The following GRPEL1 variants were observed in gnomAD, a reference collection of about 807,000 sequenced individuals.
GRPEL1 encodes the protein GrpE like 1, mitochondrial, also known as grpE protein homolog 1, mitochondrial.
GRPEL1 carries 13 observed loss-of-function variants against 22.1 expected under a neutral mutation model. That is an observed-to-expected ratio of 0.59 (90% CI 0.38 to 0.94). The LOEUF is 0.94. GRPEL1 is among the 40% of genes least tolerant of loss of function. The pLI, the probability that GRPEL1 is intolerant of heterozygous loss-of-function variation, is 0.00. For synonymous variants in GRPEL1, 109 were observed against 105.3 expected, an observed-to-expected ratio of 1.03 and a Z score of -0.21; for missense variants, 289 against 264.6, an observed-to-expected ratio of 1.09 and a Z score of -0.64.
Position 7,067,830 on chromosome 4 carries a change from C to T in GRPEL1, c.62+141G>A. ...CAGGCCCCAGCGGGGCGGTCCGCGTCCCGCGGCGGGGAACCGCGAGCCCGG... is the reference window on the plus strand; with the variant it reads ...CAGGCCCCAGCGGGGCGGTCCGCGTTCCGCGGCGGGGAACCGCGAGCCCGG... On this transcript the variant is annotated intron_variant, in intron 1 of 3. Transcript: ENST00000264954. 7.1e-6 allele frequency: 6 copies of T among 849,478 alleles called. 1 individual carries two copies. Among genetic ancestry groups the T allele is most frequent in the South Asian group, 4.9e-5 (3 of 61,450 alleles). 52.6% of individuals were successfully genotyped at this position (849,478 alleles called of 1,614,324 possible).
chr4:7,067,442 T>C lies in GRPEL1; in HGVS notation c.62+529A>G, dbSNP rs551646442. 25 of 157,188 alleles carry C rather than the reference T, an allele frequency of 1.6e-4. No homozygotes were observed. In the South Asian group the frequency reaches 4.2e-3, roughly 26 times the overall value. 9.7% of individuals were successfully genotyped at this position (157,188 alleles called of 1,614,324 possible). ...GCCCGTGAACGGGCAACACGCACCT[T>C]GCGACACGAAGTTTCCCGAGCACCG... On this transcript the variant is annotated intron_variant, in intron 1 of 3. Transcript: ENST00000264954.
chr4:7,062,324 T>A, intron 3 of GRPEL1, 61 bp downstream of exon 3: 1 of 735,304 alleles, frequency 1.4e-6, no homozygotes, highest in Non-Finnish European at 2.3e-6. Context: ...ATGCATGGCC[T>A]TCCCCTTCCC....
In GRPEL1 at chr4:7,067,954, G is replaced by A. The variant is rs200172327; in HGVS notation, c.62+17C>T. On this transcript the variant is annotated intron_variant, in intron 1 of 3. Coordinates refer to ENST00000264954, the MANE Select transcript of GRPEL1 (RefSeq NM_025196.4). The stretch of plus-strand genomic sequence containing the variant: ...TCGCGCTGCCACCTCCACCCAGGGA[G>A]ACCAAGTGCCCCTTACCTGAGAGAC... 2 of 1,612,864 alleles carry A rather than the reference G, an allele frequency of 1.2e-6. No homozygotes were observed. The highest frequency in any genetic ancestry group is 2.2e-5 in the East Asian group (1 of 44,846).
chr4:7,067,130 T>A (rs1382717515), intron 1 of GRPEL1, among the ~76,000 whole-genome samples: 3 of 152,246 alleles, frequency 2.0e-5, no homozygotes, highest in Non-Finnish European at 4.4e-5. Flanking sequence ...ACTGCCCAGC[T>A]TTTGGCCAAT....
At chr4:7,067,901 C>A in intron 1 of GRPEL1, 70 bp downstream of exon 1, 6 of 1,517,918 alleles carry the variant, frequency 4.0e-6, no homozygotes, top group Middle Eastern at 2.3e-4. Flanking sequence ...GCCCCGGGGC[C>A]GGGAAAGGCC....
Position 7,060,217 on chromosome 4 carries a change from G to C in GRPEL1, c.*645C>G, listed in dbSNP as rs763672031. On this transcript the variant is annotated 3_prime_UTR_variant, in exon 4 of 4. Transcript: ENST00000264954. Reference sequence around the variant, plus strand: ...AACTAGTTGAATATGATTTAAATATGTCTGCATTTAGATGAACAGAACAGG... The same window carrying C: ...AACTAGTTGAATATGATTTAAATATCTCTGCATTTAGATGAACAGAACAGG... The C allele has an allele frequency of 4.6e-5, 7 of 152,262 alleles. No homozygotes were observed. Among genetic ancestry groups the C allele is most frequent in the African/African-American group, 1.7e-4 (7 of 41,442 alleles). The allele number at this position is 152,262 out of a possible 1,614,324, so 9.4% of individuals were successfully genotyped here. A position where few individuals can be genotyped will look rare whatever the true frequency, so the allele number is the denominator to read the frequency against.
intron 1 of GRPEL1, 38 bp downstream of exon 1, chr4:7,067,933 G>A (rs2108794356): frequency 1.3e-6 from 2 of 1,597,708 alleles, no homozygotes; most frequent in East Asian, 4.5e-5. Context: ...GGGAGGTCGC[G>A]CTGCCACCTC....
In GRPEL1 at chr4:7,064,208, C is replaced by A. The variant is rs1220307820; in HGVS notation, c.78G>T (p.Leu26Phe). The change falls in exon 2 of 4, where the codon TTG becomes TTT. Residue 26 changes from leucine (L) to phenylalanine (F), a missense_variant. Physicochemically the swap from Leu to Phe is conservative, Grantham distance 22. Coordinates refer to ENST00000264954, the MANE Select transcript of GRPEL1 (RefSeq NM_025196.4). ...TCTTTTGTTTCGTGGCTGTGCACAA[C>A]AACCGGGGAGATGGCCTACAGGGAA... Reference protein sequence around the residue: ...LALSLRPSPRLLCTATKQKNS... With the variant: ...LALSLRPSPRFLCTATKQKNS... The A allele has an allele frequency of 7.4e-6, 12 of 1,613,000 alleles. No individual in the cohort carries two copies. The East Asian group carries it at 2.5e-4, about 33-fold the overall frequency.
At chr4:7,061,396 C>T (rs1202613452) in intron 3 of GRPEL1, 188 bp from the exon 4 acceptor site, 16 of 561,106 alleles carry the variant, frequency 2.9e-5, no homozygotes, top group Middle Eastern at 9.2e-4. Flanking sequence ...GGGATGAGAC[C>T]CAGAATTTAC....
intron 1 of GRPEL1, among the ~76,000 whole-genome samples, chr4:7,067,261 A>G (rs547815684): frequency 3.6e-3 from 58 of 16,318 alleles, no homozygotes; most frequent in African/African-American, 5.0e-3. Context: ...ATTTGAGGGG[A>G]AAAAAAAAAA....
intron 1 of GRPEL1, 167 bp from the exon 2 acceptor site, chr4:7,064,390 G>T: frequency 3.5e-6 from 2 of 568,048 alleles, no homozygotes; most frequent in Non-Finnish European, 6.0e-6. Context: ...ACATATAGAA[G>T]CTATATTAGT....
intron 3 of GRPEL1, chr4:7,061,827 G>A (rs1724047938): frequency 6.5e-6 from 1 of 153,318 alleles, no homozygotes; most frequent in South Asian, 2.0e-4. Context: ...GTCTGACCCA[G>A]GCAAGGCCAT....
intron 2 of GRPEL1, among the ~76,000 whole-genome samples, chr4:7,063,670 T>C (rs1391470093): frequency 1.3e-5 from 2 of 152,234 alleles, no homozygotes; most frequent in East Asian, 3.8e-4. Flanking sequence ...ATGTTACTAG[T>C]TCATAAAACT....
rs1425556363 is a variant in GRPEL1, at chr4:7,059,461, G to A, written c.*1401C>T. 6.6e-6 allele frequency: 1 copy of A among 152,204 alleles called. No homozygotes were observed. The highest frequency in any genetic ancestry group is 1.5e-5 in the Non-Finnish European group (1 of 68,040). 9.4% of individuals were successfully genotyped at this position (152,204 alleles called of 1,614,324 possible). ...CTCACAACCCCACAGCGTGAAAACA[G>A]GCAGCGCTGGAGCTCCCAGTCATGT... On this transcript the variant is annotated 3_prime_UTR_variant, in exon 4 of 4. Transcript: ENST00000264954.
intron 1 of GRPEL1, chr4:7,067,302 A>C (rs1212580790): frequency 6.6e-6 from 1 of 152,122 alleles, no homozygotes; most frequent in African/African-American, 2.4e-5. Context: ...TCAGGCCCGA[A>C]ATGTGCCCTT....
Position 7,060,993 on chromosome 4 carries a change from G to A in GRPEL1, c.523C>T (p.His175Tyr), listed in dbSNP as rs1430405657. 16 of 1,614,190 alleles carry A rather than the reference G, an allele frequency of 9.9e-6. No individual in the cohort carries two copies. Among genetic ancestry groups the A allele is most frequent in the Non-Finnish European group, 1.4e-5 (16 of 1,180,046 alleles). ...PVGAKFDPYE[H>Y]EALFHTPVEG... Reference sequence around the variant, plus strand: ...ACCGGTGTGTGGAACAAGGCCTCATGTTCATAAGGGTCGAACTTGGCTCCG... The same window carrying A: ...ACCGGTGTGTGGAACAAGGCCTCATATTCATAAGGGTCGAACTTGGCTCCG... Residue 175 changes from histidine to tyrosine, a missense_variant, in exon 4 of 4, where the codon CAT becomes TAT. Physicochemically the swap from His to Tyr is moderately conservative, Grantham distance 83. Transcript: ENST00000264954.
In GRPEL1 at chr4:7,059,267, A is replaced by G. The variant is rs1723974894; in HGVS notation, c.*1595T>C. 1 of 152,238 alleles carries G rather than the reference A, an allele frequency of 6.6e-6. No homozygotes were observed. Among genetic ancestry groups the G allele is most frequent in the Admixed American group, 6.5e-5 (1 of 15,282 alleles). The allele number at this position is 152,238 out of a possible 1,614,324, so 9.4% of individuals were successfully genotyped here. On this transcript the variant is annotated 3_prime_UTR_variant, in exon 4 of 4. Coordinates refer to ENST00000264954, the MANE Select transcript of GRPEL1 (RefSeq NM_025196.4). ...GGATGACTGAAGCTTACTGTAAAAAAATATTTTGCTACTTAAGCTATATTG... is the reference window on the plus strand; with the variant it reads ...GGATGACTGAAGCTTACTGTAAAAAGATATTTTGCTACTTAAGCTATATTG...
chr4:7,062,779 TGGGATTACA>T (rs979178466), intron 2 of GRPEL1, among the ~76,000 whole-genome samples: 21 of 152,242 alleles, frequency 1.4e-4, no homozygotes, highest in African/African-American at 4.6e-4. Flanking sequence ...CCCAAAGTGC[TGGGATTACA>T]GGTGTGGGCC....
intron 1 of GRPEL1, chr4:7,067,679 A>G: frequency 2.0e-6 from 1 of 497,044 alleles, no homozygotes; most frequent in Non-Finnish European, 3.6e-6. Context: ...GCCCTGGACC[A>G]CACGCGCACG....
Sources: allele counts gnomAD v4.1 joint callset (sites outside exome capture counted in the v4.1 genomes callset), GRCh38; gene constraint gnomAD v4.1.1; transcripts MANE v1.5; gene names NCBI Gene and HGNC (gene_info 2026-07-23, HGNC 2026-07-21).